The following UBE2G2 variants were observed in gnomAD, a reference collection of about 807,000 sequenced individuals.
UBE2G2 encodes the protein ubiquitin conjugating enzyme E2 G2, also known as ubiquitin-conjugating enzyme E2 G2.
UBE2G2 carries 10 observed loss-of-function variants against 23.0 expected under a neutral mutation model. The ratio of observed to expected loss-of-function variants is 0.43; its 90% CI spans 0.27 to 0.74. The LOEUF (loss-of-function observed/expected upper bound fraction) is 0.74, where lower values mean the gene tolerates loss of function less well. UBE2G2 is among the 30% of genes least tolerant of loss of function. The probability of loss-of-function intolerance (pLI) is 0.19; values close to 1 mark genes in which losing one functional copy is unlikely to be tolerated. For synonymous variants in UBE2G2, 86 were observed against 81.3 expected (o/e 1.06, Z -0.31); for missense variants, 150 against 218.3 (o/e 0.69, Z 1.97).
At chr21:44,796,512 C>T (rs2083090075) in intron 1 of UBE2G2, among the ~76,000 whole-genome samples, 1 of 151,946 alleles carries the variant, frequency 6.6e-6, no homozygotes, top group African/African-American at 2.4e-5. Flanking sequence ...TGTTAAGATA[C>T]ACACACAAAA....
At chr21:44,801,508 GCTTCT>G (rs1170209696) in intron 1 of UBE2G2, 193 bp downstream of exon 1, 1 of 1,091,066 alleles carries the variant, frequency 9.2e-7, no homozygotes, top group Non-Finnish European at 1.2e-6. Flanking sequence ...TGCTGGGAAG[GCTTCT>G]CTTCACGACT....
chr21:44,799,716 G>A (rs551584153), intron 1 of UBE2G2, among the ~76,000 whole-genome samples: 146 of 152,336 alleles, frequency 9.6e-4, no homozygotes, highest in African/African-American at 3.4e-3. Flanking sequence ...CATTCATTGT[G>A]TTCAACAGAG....
chr21:44,789,490 G>C (rs2083027143), intron 1 of UBE2G2, among the ~76,000 whole-genome samples: 1 of 151,296 alleles, frequency 6.6e-6, no homozygotes, highest in Non-Finnish European at 1.5e-5. Flanking sequence ...CTGGCTCAAA[G>C]TTAAATTGAA....
intron 1 of UBE2G2, chr21:44,800,630 A>C (rs1387446183): frequency 6.6e-6 from 1 of 152,188 alleles, no homozygotes; most frequent in Non-Finnish European, 1.5e-5. Context: ...CAAGGGAAGA[A>C]TGACCATACG....
intron 1 of UBE2G2, among the ~76,000 whole-genome samples, chr21:44,796,566 C>A (rs574477990): frequency 1.1e-4 from 17 of 152,304 alleles, no homozygotes; most frequent in African/African-American, 4.1e-4. Context: ...TAAATTTTAT[C>A]ACATTATTAA....
intron 4 of UBE2G2, among the ~76,000 whole-genome samples, chr21:44,775,765 G>C (rs997733308): frequency 2.0e-5 from 3 of 152,060 alleles, no homozygotes; most frequent in Admixed American, 6.5e-5. Context: ...GCATTTTATA[G>C]CTAACCAATT....
intron 3 of UBE2G2, among the ~76,000 whole-genome samples, chr21:44,785,441 G>A (rs58477435): frequency 0.016 from 2,367 of 152,282 alleles, 56 homozygotes; most frequent in African/African-American, 0.054. Flanking sequence ...TCTTTGACAT[G>A]TCTGTATCTT....
At chr21:44,780,183 G>A (rs544725416) in intron 3 of UBE2G2, among the ~76,000 whole-genome samples, 15 of 152,262 alleles carry the variant, frequency 9.9e-5, no homozygotes, top group African/African-American at 3.1e-4. Context: ...AAAGTTATTT[G>A]CAAATGCTCC....
chr21:44,782,213 C>T (rs1488516850), intron 3 of UBE2G2, among the ~76,000 whole-genome samples: 2 of 152,186 alleles, frequency 1.3e-5, no homozygotes, highest in African/African-American at 4.8e-5. Flanking sequence ...TCCAGCTTTT[C>T]TCTATGTGTG....
chr21:44,799,920 G>T (rs2083121711), intron 1 of UBE2G2: 1 of 152,156 alleles, frequency 6.6e-6, no homozygotes, highest in Non-Finnish European at 1.5e-5. Flanking sequence ...GTTACTATTG[G>T]CCTAATTTCA....
chr21:44,786,168 T>G (rs1311601279), intron 3 of UBE2G2, among the ~76,000 whole-genome samples: 1 of 152,234 alleles, frequency 6.6e-6, no homozygotes, highest in African/African-American at 2.4e-5. Flanking sequence ...GCAGGCGTGC[T>G]GCCCCGCTGG....
chr21:44,799,588 G>T, intron 1 of UBE2G2, among the ~76,000 whole-genome samples: 1 of 152,188 alleles, frequency 6.6e-6, no homozygotes, highest in South Asian at 2.1e-4. Flanking sequence ...TAAAACTGAA[G>T]AGTTAGGACC....
intron 3 of UBE2G2, among the ~76,000 whole-genome samples, chr21:44,779,394 G>A (rs2082939377): frequency 6.6e-6 from 1 of 150,480 alleles, no homozygotes; most frequent in African/African-American, 2.5e-5. Flanking sequence ...CTGTGTGACA[G>A]TCCCCAGAGC....
Position 44,769,906 on chromosome 21 carries a change from C to T in UBE2G2, c.*1471G>A, listed in dbSNP as rs1030376230. 6.6e-6 allele frequency: 1 copy of T among 152,238 alleles called. No individual in the cohort carries two copies. Among genetic ancestry groups the T allele is most frequent in the Non-Finnish European group, 1.5e-5 (1 of 68,054 alleles). The allele number at this position is 152,238 out of a possible 1,614,324, so 9.4% of individuals were successfully genotyped here. A position where few individuals can be genotyped will look rare whatever the true frequency, so the allele number is the denominator to read the frequency against. On this transcript the variant is annotated 3_prime_UTR_variant, in exon 6 of 6. Transcript: ENST00000345496. The stretch of plus-strand genomic sequence containing the variant: ...AAAATAGAAATTCCTATTTAAATGC[C>T]GCCCGTGTGCGACAGGCCTGATATT...
At chr21:44,790,386 T>C (rs751361487) in intron 1 of UBE2G2, among the ~76,000 whole-genome samples, 1 of 152,230 alleles carries the variant, frequency 6.6e-6, no homozygotes, top group South Asian at 2.1e-4. Flanking sequence ...ATGTTCATAG[T>C]AGCTAAATTC....
chr21:44,771,261 G>T lies in UBE2G2; in HGVS notation c.*116C>A. 1 of 872,880 alleles carries T rather than the reference G, an allele frequency of 1.1e-6. No individual in the cohort carries two copies. Among genetic ancestry groups the T allele is most frequent in the Non-Finnish European group, 1.8e-6 (1 of 567,042 alleles). 54.1% of individuals were successfully genotyped at this position (872,880 alleles called of 1,614,324 possible). ...GTTTGAAAAAAAAAAAAGATGCCAT[G>T]GTTCTTGCAAGTCTGCCTTGTTTGG... is the stretch of plus-strand genomic sequence containing the variant. On this transcript the variant is annotated 3_prime_UTR_variant, in exon 6 of 6. Coordinates refer to ENST00000345496, the MANE Select transcript of UBE2G2 (RefSeq NM_003343.6). This position sits in a 1 kb window ranked among gnomAD's most constrained non-coding sequence, Gnocchi z 4.6.
chr21:44,794,003 G>GA (rs1397136545), intron 1 of UBE2G2, among the ~76,000 whole-genome samples: 23 of 150,808 alleles, frequency 1.5e-4, no homozygotes, highest in African/African-American at 9.8e-5. Context: ...CATATTACAT[G>GA]AAAAAAAAGA....
At position 44,777,070 on chromosome 21, in the gene UBE2G2, G is replaced by GCAT. The variant is rs879994976; in HGVS notation, c.244+226_244+228dup. The GCAT allele has an allele frequency of 8.6e-5, 37 of 432,474 alleles. 1 individual carries two copies. The highest frequency in any genetic ancestry group is 6.2e-4 in the Middle Eastern group (1 of 1,616). The allele number at this position is 432,474 out of a possible 1,614,324, so 26.8% of individuals were successfully genotyped here. On this transcript the variant is annotated intron_variant, in intron 4 of 5. Transcript: ENST00000345496. ...TGAAGTAGGGTGGCTGGGTCAAATGGCATCCGGTTTTAGGTGCCTGTTGTC... is the reference window on the plus strand; with the variant it reads ...TGAAGTAGGGTGGCTGGGTCAAATGGCATCATCCGGTTTTAGGTGCCTGTTGTC...
intron 1 of UBE2G2, among the ~76,000 whole-genome samples, chr21:44,796,500 G>C (rs919803839): frequency 6.6e-6 from 1 of 151,856 alleles, no homozygotes; most frequent in Non-Finnish European, 1.5e-5. Flanking sequence ...GGACAAACTA[G>C]ATGTTAAGAT....
Sources: allele counts gnomAD v4.1 joint callset (sites outside exome capture counted in the v4.1 genomes callset), GRCh38; gene constraint gnomAD v4.1.1; non-coding constraint Gnocchi (gnomAD v3.1); transcripts MANE v1.5; gene names NCBI Gene and HGNC (gene_info 2026-07-23, HGNC 2026-07-21).